CRK: variants seen among roughly 807,000 people sequenced by gnomAD.
CRK encodes CRK proto-oncogene, adaptor protein, also known as adapter molecule crk.
CRK carries 4 observed loss-of-function variants against 29.8 expected under a neutral mutation model. The ratio of observed to expected loss-of-function variants is 0.13; its 90% CI spans 0.07 to 0.31. The LOEUF is 0.31. CRK is among the 10% of genes least tolerant of loss of function. The pLI, the probability that CRK is intolerant of heterozygous loss-of-function variation, is 1.00. For missense variants in CRK, 274 were observed against 396.5 expected (o/e 0.69, Z 2.62); for synonymous variants, 153 against 164.9 (o/e 0.93, Z 0.55).
At chr17:1,450,738 T>G (rs1258566531) in intron 1 of CRK, among the ~76,000 whole-genome samples, 1 of 151,414 alleles carries the variant, frequency 6.6e-6, no homozygotes, top group Non-Finnish European at 1.5e-5. Flanking sequence ...ACAAAAAAAT[T>G]GGCTGGGCAT....
At chr17:1,433,510 T>TAA (rs2073862649) in intron 2 of CRK, among the ~76,000 whole-genome samples, 2 of 35,848 alleles carry the variant, frequency 5.6e-5, no homozygotes, top group South Asian at 1.0e-3. Flanking sequence ...CACGCCTGGC[T>TAA]TTTTTTTTTT....
At chr17:1,432,994 GA>G (rs2150903939) in intron 2 of CRK, among the ~76,000 whole-genome samples, 1 of 152,226 alleles carries the variant, frequency 6.6e-6, no homozygotes, top group South Asian at 2.1e-4. Context: ...CATTCATAAA[GA>G]AGACTGAATG....
intron 1 of CRK, among the ~76,000 whole-genome samples, chr17:1,449,563 G>A (rs1305924268): frequency 6.6e-6 from 1 of 152,134 alleles, no homozygotes; most frequent in Non-Finnish European, 1.5e-5. Context: ...AGTTACACAA[G>A]CAGTAAGTGG....
intron 1 of CRK, among the ~76,000 whole-genome samples, chr17:1,454,098 A>C (rs11078444): frequency 0.53 from 80,811 of 151,522 alleles, 22,377 homozygotes; most frequent in South Asian, 0.64. Flanking sequence ...CCAGCTACTC[A>C]GGAGGCTGAG....
Position 1,433,892 on chromosome 17 carries a change from A to ATC in CRK, c.777+2726_777+2727dup, listed in dbSNP as rs1004861957. Among the ~76,000 whole-genome samples, 3 of 140,386 alleles carry ATC rather than the reference A, an allele frequency of 2.1e-5. No homozygotes were observed. The Admixed American group carries it at 2.2e-4, about 10-fold the overall frequency. The allele number at this position is 140,386 out of a possible 152,430, so 92.1% of individuals were successfully genotyped here. A position where few individuals can be genotyped will look rare whatever the true frequency, so the allele number is the denominator to read the frequency against. ...TAAAAACATTTTTTGTAGAGACCGG[A>ATC]TCTCACCATGTTGCCCAGGCTGGTT... On this transcript the variant is annotated intron_variant, in intron 2 of 2. Transcript: ENST00000300574.
chr17:1,439,960 G>A (rs9903666), intron 1 of CRK, among the ~76,000 whole-genome samples: 4,978 of 152,060 alleles, frequency 0.033, 237 homozygotes, highest in African/African-American at 0.11. Context: ...TGAGACCAGC[G>A]TAGGCAACAC....
chr17:1,446,392 C>A (rs1002202782), intron 1 of CRK, among the ~76,000 whole-genome samples: 2 of 152,096 alleles, frequency 1.3e-5, no homozygotes, highest in African/African-American at 4.8e-5. Context: ...GGTAACCACC[C>A]CCTGCCAGCC....
intron 1 of CRK, among the ~76,000 whole-genome samples, chr17:1,454,982 C>A (rs944721984): frequency 1.3e-5 from 2 of 152,140 alleles, no homozygotes; most frequent in Non-Finnish European, 2.9e-5. Context: ...CAGCCCGCAG[C>A]CCCATCTTAC....
At chr17:1,439,577 G>A (rs975253946) in intron 1 of CRK, among the ~76,000 whole-genome samples, 58 of 152,228 alleles carry the variant, frequency 3.8e-4, no homozygotes, top group Non-Finnish European at 4.6e-4. Flanking sequence ...AGCTGGGCAC[G>A]GTTGCTCACA....
intron 1 of CRK, among the ~76,000 whole-genome samples, chr17:1,448,792 G>C (rs2073995425): frequency 6.6e-6 from 1 of 151,804 alleles, no homozygotes; most frequent in African/African-American, 2.4e-5. Flanking sequence ...CTTCTCAAAA[G>C]TTCTGTGGTC....
intron 2 of CRK, among the ~76,000 whole-genome samples, chr17:1,431,749 G>C (rs184256270): frequency 3.9e-5 from 6 of 152,188 alleles, no homozygotes; most frequent in African/African-American, 1.4e-4. Context: ...ACCACACTTG[G>C]CTAATTCTTG....
intron 2 of CRK, among the ~76,000 whole-genome samples, chr17:1,434,888 TTAA>T (rs1443557449): frequency 1.3e-5 from 2 of 152,138 alleles, no homozygotes; most frequent in Non-Finnish European, 1.5e-5. Flanking sequence ...AAATCTTTAT[TTAA>T]TGAGATTTGT....
chr17:1,427,768 GACAAGCACAAGCC>G (rs2073795324), intron 2 of CRK, among the ~76,000 whole-genome samples: 1 of 150,274 alleles, frequency 6.7e-6, no homozygotes, highest in Admixed American at 6.6e-5. Context: ...TAGCTGGGAC[GACAAGCACAAGCC>G]ACCATGCCCA....
At chr17:1,454,207 A>G (rs2074039380) in intron 1 of CRK, among the ~76,000 whole-genome samples, 1 of 152,020 alleles carries the variant, frequency 6.6e-6, no homozygotes, top group Middle Eastern at 3.2e-3. Context: ...CTCAAAATAA[A>G]TAAATAAGTA....
intron 1 of CRK, among the ~76,000 whole-genome samples, chr17:1,437,753 A>C (rs1026188650): frequency 1.3e-5 from 2 of 151,408 alleles, no homozygotes; most frequent in Non-Finnish European, 2.9e-5. Flanking sequence ...TCCCGGGTTC[A>C]AGCGATTCTC....
intron 1 of CRK, among the ~76,000 whole-genome samples, chr17:1,449,990 G>C (rs1598305393): frequency 6.6e-6 from 1 of 152,212 alleles, no homozygotes; most frequent in African/African-American, 2.4e-5. Context: ...CTTGAGGTCA[G>C]GAGATCGAGA....
At chr17:1,445,537 C>T (rs1220703923) in intron 1 of CRK, among the ~76,000 whole-genome samples, 2 of 152,160 alleles carry the variant, frequency 1.3e-5, no homozygotes, top group Non-Finnish European at 2.9e-5. Flanking sequence ...TAGCAGAGCA[C>T]GGAGGTGCTA....
chr17:1,435,891 G>A (rs1375893448), intron 2 of CRK, among the ~76,000 whole-genome samples: 1 of 152,084 alleles, frequency 6.6e-6, no homozygotes. Flanking sequence ...GAGGAAGGAA[G>A]AAGAAAGGAA....
At chr17:1,443,905 T>C (rs1235659821) in intron 1 of CRK, among the ~76,000 whole-genome samples, 1 of 151,114 alleles carries the variant, frequency 6.6e-6, no homozygotes, top group African/African-American at 2.4e-5. Flanking sequence ...TTTCACCATA[T>C]TGGCCAGGCT....
Sources: allele counts gnomAD v4.1 joint callset (sites outside exome capture counted in the v4.1 genomes callset), GRCh38; gene constraint gnomAD v4.1.1; transcripts MANE v1.5; gene names NCBI Gene and HGNC (gene_info 2026-07-23, HGNC 2026-07-21).